The following PAX3 variants were observed in gnomAD, a reference collection of about 807,000 sequenced individuals.
PAX3 encodes paired box 3.
In PAX3, 14 loss-of-function variants were observed where a neutral mutation model predicts 51.6. The ratio of observed to expected loss-of-function variants is 0.27; its 90% confidence interval spans 0.18 to 0.42. The LOEUF (loss-of-function observed/expected upper bound fraction) is 0.42. Ranked by LOEUF, PAX3 falls within the 10% of genes least tolerant of loss-of-function variation. The probability of loss-of-function intolerance (pLI) is 1.00; values close to 1 mark genes in which losing one functional copy is unlikely to be tolerated. For synonymous variants in PAX3, 280 were observed against 253.4 expected, an observed-to-expected ratio of 1.11 and a Z score of -1.00; for missense variants, 540 against 642.8, an observed-to-expected ratio of 0.84 and a Z score of 1.73.
chr2:222,202,095 G>A lies in PAX3; in HGVS notation c.1269C>T (p.Thr423=). The part of the protein sequence containing the change: ...SPLTGGLEPT[T]TVSASCSQRL... The stretch of plus-strand genomic sequence containing the variant: ...TCTGACTGCAGCTGGCCGACACCGT[G>A]GTGGTAGGTTCCAGACCCCCGGTGA... The change falls in exon 8 of 9, where the codon ACC becomes ACT. Residue 423 remains threonine (T), a synonymous_variant. Coordinates refer to ENST00000392070, the MANE Select transcript of PAX3 (RefSeq NM_181458.4). 6.2e-7 allele frequency: 1 copy of A among 1,613,970 alleles called. No homozygotes were observed. Among genetic ancestry groups the A allele is most frequent in the Non-Finnish European group, 8.5e-7 (1 of 1,179,992 alleles).
At chr2:222,291,436 G>T (rs1239264687) in intron 4 of PAX3, among the ~76,000 whole-genome samples, 1 of 152,256 alleles carries the variant, frequency 6.6e-6, no homozygotes, top group Non-Finnish European at 1.5e-5. Context: ...ACCGCTAGCG[G>T]CTCAGCTCTT....
intron 4 of PAX3, among the ~76,000 whole-genome samples, chr2:222,259,025 A>T (rs1693749127): frequency 6.6e-6 from 1 of 152,216 alleles, no homozygotes; most frequent in Admixed American, 6.5e-5. Context: ...AGAAGACTAG[A>T]ATTAAGAAAC....
At chr2:222,231,498 T>C (rs1017787298) in intron 5 of PAX3, among the ~76,000 whole-genome samples, 20 of 152,238 alleles carry the variant, frequency 1.3e-4, no homozygotes, top group African/African-American at 4.6e-4. Context: ...TTTCTTGAAA[T>C]GCTTCTTAAT....
chr2:222,296,993 G>A lies in PAX3; in HGVS notation c.306C>T (p.Gly102=). The A allele has an allele frequency of 6.2e-7, 1 of 1,613,350 alleles. No individual in the cohort carries two copies. The highest frequency in any genetic ancestry group is 8.5e-7 in the Non-Finnish European group (1 of 1,179,698). The change falls in exon 2 of 9, where the codon GGC becomes GGT. Residue 102 remains glycine (G), a synonymous_variant. Coordinates refer to ENST00000392070, the MANE Select transcript of PAX3 (RefSeq NM_181458.4). The stretch of plus-strand genomic sequence containing the variant: ...GCCCGCTCACCTTGGGCTTGCTGCC[G>A]CCGATGGCACCAGGACGTATGGAGC... ...ETGSIRPGAI[G]GSKPKQVTTP...
chr2:222,256,539 G>A (rs1559290141), intron 4 of PAX3, among the ~76,000 whole-genome samples: 1 of 151,360 alleles, frequency 6.6e-6, no homozygotes, highest in African/African-American at 2.4e-5. Context: ...CAAGTCCCTC[G>A]GCCCCAGAGA....
intron 4 of PAX3, among the ~76,000 whole-genome samples, chr2:222,236,717 T>A (rs1255730629): frequency 6.6e-6 from 1 of 152,186 alleles, no homozygotes; most frequent in Non-Finnish European, 1.5e-5. Context: ...ACAATTAGAT[T>A]AAATATAAAC....
At chr2:222,201,886 A>C in intron 8 of PAX3, 58 bp downstream of exon 8, 2 of 1,613,930 alleles carry the variant, frequency 1.2e-6, no homozygotes, top group African/African-American at 1.3e-5. Context: ...TTCTTAAGGA[A>C]GAGTTGAGTT....
At chr2:222,226,051 T>C (rs1005687716) in intron 5 of PAX3, among the ~76,000 whole-genome samples, 1 of 152,250 alleles carries the variant, frequency 6.6e-6, no homozygotes, top group African/African-American at 2.4e-5. Context: ...AATAAATTAC[T>C]GGTTCACATT....
chr2:222,297,252 C>A, intron 1 of PAX3, 39 bp from the exon 2 acceptor site: 1 of 1,450,444 alleles, frequency 6.9e-7, no homozygotes, highest in Non-Finnish European at 9.5e-7. Flanking sequence ...GGAAAAGTCA[C>A]TGGAGGAAAA....
At chr2:222,216,860 C>T (rs1357341172) in intron 7 of PAX3, among the ~76,000 whole-genome samples, 1 of 152,154 alleles carries the variant, frequency 6.6e-6, no homozygotes, top group East Asian at 1.9e-4. Context: ...GCAAACAATA[C>T]ATCAATTTCA....
intron 4 of PAX3, among the ~76,000 whole-genome samples, chr2:222,260,434 C>G (rs1422149323): frequency 2.0e-5 from 3 of 151,798 alleles, no homozygotes; most frequent in African/African-American, 7.3e-5. Flanking sequence ...TTTTACTGTG[C>G]TATTTTTCTA....
chr2:222,272,812 G>A (rs974382966), intron 4 of PAX3, among the ~76,000 whole-genome samples: 1 of 152,150 alleles, frequency 6.6e-6, no homozygotes, highest in Non-Finnish European at 1.5e-5. Flanking sequence ...GGACAATAAG[G>A]CAGGAAGAAT....
Position 222,201,393 on chromosome 2 carries a change from A to T in PAX3, c.*15T>A. 6.2e-7 allele frequency: 1 copy of T among 1,613,542 alleles called. No homozygotes were observed. The highest frequency in any genetic ancestry group is 8.5e-7 in the Non-Finnish European group (1 of 1,179,984). On this transcript the variant is annotated 3_prime_UTR_variant, in exon 9 of 9. Transcript: ENST00000392070. ...CAGAAACAGGGCCAGTTTTAGCTCC[A>T]AGTGGACAGTTCACTTACGCGATAT...
intron 4 of PAX3, chr2:222,293,812 G>C (rs901979889): frequency 1.9e-6 from 3 of 1,613,870 alleles, no homozygotes; most frequent in Non-Finnish European, 2.5e-6. Context: ...CTCTATCCCC[G>C]GCCCTACAAT....
intron 5 of PAX3, among the ~76,000 whole-genome samples, chr2:222,223,088 A>G (rs1005488033): frequency 5.9e-5 from 9 of 152,192 alleles, no homozygotes; most frequent in African/African-American, 2.2e-4. Flanking sequence ...TCTTAAAGTC[A>G]GATCATTTAA....
chr2:222,237,498 C>T (rs1692845201), intron 4 of PAX3, among the ~76,000 whole-genome samples: 1 of 152,152 alleles, frequency 6.6e-6, no homozygotes, highest in African/African-American at 2.4e-5. Context: ...TACAGAACTA[C>T]TAGAGTTGGA....
chr2:222,202,280 T>G, intron 7 of PAX3, 90 bp from the exon 8 acceptor site: 2 of 1,028,162 alleles, frequency 1.9e-6, no homozygotes, highest in Non-Finnish European at 3.0e-6. Context: ...ACAGTCCAGT[T>G]TTTATTTCTT....
chr2:222,205,635 G>T (rs1691475841), intron 7 of PAX3, among the ~76,000 whole-genome samples: 1 of 152,114 alleles, frequency 6.6e-6, no homozygotes, highest in Non-Finnish European at 1.5e-5. Context: ...ATTATAATGT[G>T]ATTTATTTCA....
intron 7 of PAX3, among the ~76,000 whole-genome samples, chr2:222,206,881 T>C (rs867825649): frequency 4.6e-5 from 7 of 152,258 alleles, no homozygotes; most frequent in Middle Eastern, 3.4e-3. Flanking sequence ...ATGGTGCACA[T>C]CCAGGCGCTT....
Sources: gnomAD v4.1 joint callset for allele counts (sites outside exome capture counted in the v4.1 genomes callset) on GRCh38, gnomAD v4.1.1 for gene constraint, MANE v1.5 for transcripts, NCBI Gene and HGNC (gene_info 2026-07-23, HGNC 2026-07-21) for gene names.